PPFIBP1: variants seen among roughly 807,000 people sequenced by gnomAD.
PPFIBP1 encodes PPFIB scaffold protein 1, also known as liprin-beta-1.
PPFIBP1 carries 112 observed loss-of-function variants against 137.8 expected under a neutral mutation model. The observed-to-expected ratio is 0.81, with a 90% confidence interval of 0.70 to 0.95. The LOEUF is 0.95. Among genes scored for constraint, PPFIBP1 ranks in the 40% least tolerant of loss-of-function variants. PPFIBP1 has a pLI of 0.00. For missense variants in PPFIBP1, 1,083 were observed against 1,196.6 expected, an observed-to-expected ratio of 0.91 and a Z score of 1.40; for synonymous variants, 378 against 417.3, an observed-to-expected ratio of 0.91 and a Z score of 1.15.
chr12:27,637,390 G>T (rs1445367514), intron 4 of PPFIBP1: 2 of 152,104 alleles, frequency 1.3e-5, no homozygotes, highest in Non-Finnish European at 2.9e-5. Context: ...CAGTTGCTTT[G>T]TGTCTTATTA....
intron 25 of PPFIBP1, among the ~76,000 whole-genome samples, chr12:27,687,819 A>G (rs111901005): frequency 1.3e-5 from 2 of 152,316 alleles, no homozygotes; most frequent in African/African-American, 4.8e-5. Context: ...ATAGTGGCCA[A>G]TGCCTATAAT....
chr12:27,595,866 AAC>A (rs2053166303), intron 2 of PPFIBP1, among the ~76,000 whole-genome samples: 1 of 86,186 alleles, frequency 1.2e-5, no homozygotes, highest in South Asian at 4.0e-4. Context: ...CAACAACAAC[AAC>A]AACAACAACA....
rs1461200735 is a variant in PPFIBP1 at position 27,667,314 on chromosome 12, C to T, written c.1140C>T (p.Pro380=). 37 of 1,598,034 alleles carry T rather than the reference C, an allele frequency of 2.3e-5. No homozygotes were observed. Among genetic ancestry groups the T allele is most frequent in the Middle Eastern group, 1.7e-4 (1 of 5,968 alleles). Residue 380 remains proline, a synonymous_variant, in exon 13 of 30, where the codon CCC becomes CCT. Transcript: ENST00000228425. ...PSCDPFNTSV[P]EEFHTTILQV... ...GTGACCCATTTAACACAAGTGTTCCCGAAGAGGTATTAATAGACTTTCAGT... is the reference window on the plus strand; with the variant it reads ...GTGACCCATTTAACACAAGTGTTCCTGAAGAGGTATTAATAGACTTTCAGT...
chr12:27,526,376 A>T lies in PPFIBP1; in HGVS notation c.-124+2011A>T, dbSNP rs528334466. The stretch of plus-strand genomic sequence containing the variant: ...ATAATAGCAGTAATTTTACATACTT[A>T]ATTTAAACCAATATTTCTCTTTCTC... On this transcript the variant is annotated intron_variant, in intron 1 of 29. Coordinates refer to ENST00000228425, the MANE Select transcript of PPFIBP1 (RefSeq NM_003622.4). 4.5e-4 allele frequency among the ~76,000 whole-genome samples: 68 copies of T among 152,324 alleles called. 1 individual carries two copies. In the South Asian group the frequency reaches 0.012, roughly 27 times the overall value.
intron 2 of PPFIBP1, among the ~76,000 whole-genome samples, chr12:27,623,479 TTGC>T (rs2056528868): frequency 1.3e-5 from 2 of 152,104 alleles, no homozygotes; most frequent in Admixed American, 1.3e-4. Flanking sequence ...GGGGAAAGGA[TTGC>T]TTGAGCTCAG....
At chr12:27,589,266 C>A (rs1194102317) in intron 2 of PPFIBP1, among the ~76,000 whole-genome samples, 3 of 152,128 alleles carry the variant, frequency 2.0e-5, no homozygotes, top group Non-Finnish European at 4.4e-5. Flanking sequence ...TAACTTGCTT[C>A]ATTTTTCTTT....
chr12:27,692,698 T>G (rs1464604041), intron 29 of PPFIBP1, 42 bp downstream of exon 29: 9 of 1,613,642 alleles, frequency 5.6e-6, no homozygotes, highest in South Asian at 5.5e-5. Context: ...TCTATAAATG[T>G]CTTTTATAAC....
At chr12:27,633,835 C>CTTTTTTT (rs56705005) in intron 3 of PPFIBP1, among the ~76,000 whole-genome samples, 10 of 113,012 alleles carry the variant, frequency 8.8e-5, no homozygotes, top group East Asian at 2.5e-4. Context: ...ACTCCCGTAT[C>CTTTTTTT]TTTTTTTTTT....
rs1206024262 is a variant in PPFIBP1, at chr12:27,681,586, G to C, written c.1936G>C (p.Val646Leu). The change falls in exon 22 of 30, where the codon GTT (valine) becomes CTT (leucine). Residue 646 changes from valine (V) to leucine (L), a missense_variant. Physicochemically the swap from Val to Leu is conservative, Grantham distance 32. Coordinates refer to ENST00000228425, the MANE Select transcript of PPFIBP1 (RefSeq NM_003622.4). Reference sequence around the variant, plus strand: ...ATTTGCCAAGTGGACCAAGGAGCAGGTTTGCAATTGGCTGATGGAACAGGG... The same window carrying C: ...ATTTGCCAAGTGGACCAAGGAGCAGCTTTGCAATTGGCTGATGGAACAGGG... ...MPFAKWTKEQ[V>L]CNWLMEQGLG... is the part of the protein sequence containing the mutation. 6.2e-7 allele frequency: 1 copy of C among 1,614,126 alleles called. No individual in the cohort carries two copies. Among genetic ancestry groups the C allele is most frequent in the Non-Finnish European group, 8.5e-7 (1 of 1,179,986 alleles).
rs1160562720 is a variant in PPFIBP1 at position 27,609,134 on chromosome 12, G to C, written c.-35-24228G>C. The stretch of plus-strand genomic sequence containing the variant: ...GAAACTGGGCTGCCTGGCCACAGCT[G>C]CTGCATCCGAGAACTACAAATCTTA... On this transcript the variant is annotated intron_variant, in intron 2 of 29. Transcript: ENST00000228425. 13 of 153,578 alleles carry C rather than the reference G, an allele frequency of 8.5e-5. No homozygotes were observed. The Admixed American group carries it at 8.5e-4, about 10-fold the overall frequency. 9.5% of individuals were successfully genotyped at this position (153,578 alleles called of 1,614,324 possible). A position where few individuals can be genotyped will look rare whatever the true frequency, so the allele number is the denominator to read the frequency against.
chr12:27,557,773 A>G (rs943712674), intron 1 of PPFIBP1, among the ~76,000 whole-genome samples: 3 of 152,216 alleles, frequency 2.0e-5, no homozygotes, highest in Admixed American at 6.5e-5. Flanking sequence ...TTTAAGTGCT[A>G]AATGCCTCCC....
rs78815731 is a variant in PPFIBP1, at chr12:27,673,507, G to C, written c.1320-260G>C. ...TATTTTCGAATATTGACATCACAAG[G>C]CTAGTCCTAAGTGCTTTTCCAGCTC... On this transcript the variant is annotated intron_variant, in intron 15 of 29. Transcript: ENST00000228425. Among the ~76,000 whole-genome samples the C allele has an allele frequency of 4.7e-3, 713 of 152,242 alleles. 5 individuals are homozygous for C. The highest frequency in any genetic ancestry group is 5.1e-3 in the Non-Finnish European group (346 of 68,018).
chr12:27,682,668 C>G lies in PPFIBP1; in HGVS notation c.2212C>G (p.Arg738Gly). 2.5e-6 allele frequency: 4 copies of G among 1,614,028 alleles called. No individual in the cohort carries two copies. Among genetic ancestry groups the G allele is most frequent in the Non-Finnish European group, 3.4e-6 (4 of 1,180,004 alleles). ...PQYKTQFDEG[R>G]VDGRMLHYMT... ...ATATAAGACCCAGTTTGATGAAGGA[C>G]GGGTTGATGGTCGAATGCTACATTA... The change falls in exon 24 of 30, where the codon CGG (arginine) becomes GGG (glycine). Residue 738 changes from arginine (R) to glycine (G), a missense_variant. Coordinates refer to ENST00000228425, the MANE Select transcript of PPFIBP1 (RefSeq NM_003622.4).
At chr12:27,646,768 A>G (rs935310753) in intron 5 of PPFIBP1, among the ~76,000 whole-genome samples, 1 of 152,124 alleles carries the variant, frequency 6.6e-6, no homozygotes, top group Admixed American at 6.6e-5. Flanking sequence ...AATGTTTTAA[A>G]TGCTTCACAA....
chr12:27,529,445 G>A (rs543493450), intron 1 of PPFIBP1, among the ~76,000 whole-genome samples: 1 of 152,350 alleles, frequency 6.6e-6, no homozygotes, highest in Non-Finnish European at 1.5e-5. Context: ...TGTAATCCCA[G>A]CACTTTGGGA....
Position 27,574,998 on chromosome 12 carries a change from A to G in PPFIBP1, c.-123-3154A>G, listed in dbSNP as rs79742328. ...GAAAAAATTAAAGCAGTTAAAGGTT[A>G]AGTGACTTAGGTAATTATCCAGCAA... On this transcript the variant is annotated intron_variant, in intron 1 of 29. Transcript: ENST00000228425. 4.9e-3 allele frequency among the ~76,000 whole-genome samples: 743 copies of G among 152,348 alleles called. 8 individuals are homozygous for G. Among genetic ancestry groups the G allele is most frequent in the African/African-American group, 0.016 (684 of 41,586 alleles).
rs139636568 is a variant in PPFIBP1, at chr12:27,600,109, C to A, written c.-36+21870C>A. Among the ~76,000 whole-genome samples the A allele has an allele frequency of 2.9e-3, 439 of 152,198 alleles. 2 individuals carry two copies. The highest frequency in any genetic ancestry group is 4.7e-3 in the Admixed American group (72 of 15,290). On this transcript the variant is annotated intron_variant, in intron 2 of 29. Transcript: ENST00000228425. The stretch of plus-strand genomic sequence containing the variant: ...TGCATACCCTGTACTATGTTTGCAA[C>A]TTCTCTGTAAGTCTAAAATTAGGTC...
chr12:27,583,453 A>G (rs2051350422), intron 2 of PPFIBP1, among the ~76,000 whole-genome samples: 2 of 152,126 alleles, frequency 1.3e-5, no homozygotes, highest in African/African-American at 4.8e-5. Flanking sequence ...TGAGATTTAA[A>G]TTGTCTTATT....
chr12:27,644,825 C>G (rs566772083), intron 4 of PPFIBP1, among the ~76,000 whole-genome samples: 6 of 152,182 alleles, frequency 3.9e-5, no homozygotes, highest in Non-Finnish European at 7.4e-5. Context: ...AAATTAGCCT[C>G]TGATTCTTAG....
Sources: allele counts gnomAD v4.1 joint callset (sites outside exome capture counted in the v4.1 genomes callset), GRCh38; gene constraint gnomAD v4.1.1; transcripts MANE v1.5; gene names NCBI Gene and HGNC (gene_info 2026-07-23, HGNC 2026-07-21).